The following VWF variants were observed in gnomAD, a reference collection of about 807,000 sequenced individuals.
VWF encodes Factor VIII related antigen.
Under a neutral mutation model 308.6 loss-of-function variants are expected in VWF, and 176 were observed. That is an observed-to-expected ratio of 0.57 (90% confidence interval 0.50 to 0.65). The LOEUF (loss-of-function observed/expected upper bound fraction) is 0.65. Among genes scored for constraint, VWF ranks in the 30% least tolerant of loss-of-function variants. The pLI is 0.00. For synonymous variants in VWF, 1,385 were observed against 1,443.4 expected, an observed-to-expected ratio of 0.96 and a Z score of 0.92; for missense variants, 3,146 against 3,648.2, an observed-to-expected ratio of 0.86 and a Z score of 3.55.
At chr12:6,073,249 T>C (rs1424956153) in intron 8 of VWF, among the ~76,000 whole-genome samples, 1 of 152,186 alleles carries the variant, frequency 6.6e-6, no homozygotes, top group African/African-American at 2.4e-5. Flanking sequence ...GAGCCCTTTT[T>C]CAGCTGAGCT....
At chr12:6,049,481 A>G (rs1187335886) in intron 16 of VWF, among the ~76,000 whole-genome samples, 2 of 152,070 alleles carry the variant, frequency 1.3e-5, no homozygotes, top group Admixed American at 6.5e-5. Context: ...CTGCCCTCCC[A>G]AGTCATACCA....
At chr12:6,104,540 A>G (rs1945219287) in intron 5 of VWF, among the ~76,000 whole-genome samples, 1 of 151,718 alleles carries the variant, frequency 6.6e-6, no homozygotes, top group Non-Finnish European at 1.5e-5. Context: ...ATACAAAAGA[A>G]AAAAAAATGA....
chr12:6,100,633 A>C (rs888786862), intron 5 of VWF, among the ~76,000 whole-genome samples: 19 of 152,184 alleles, frequency 1.2e-4, no homozygotes, highest in African/African-American at 4.6e-4. Context: ...TCAGTAAACT[A>C]TTGCAAGGAC....
rs750530966 is a variant in VWF at position 5,981,811 on chromosome 12, G to A, written c.7262C>T (p.Thr2421Ile). 6.2e-7 allele frequency: 1 copy of A among 1,614,134 alleles called. No individual in the cohort carries two copies. The highest frequency in any genetic ancestry group is 1.1e-5 in the South Asian group (1 of 91,072). ...CTTGTCGGGAAGGCAGGTGGTTGTG[G>A]TACAGCCACAGTCATTGGTGGCAGT... Reference protein sequence around the residue: ...ASTATNDCGCTTTTCLPDKVC... With the variant: ...ASTATNDCGCITTTCLPDKVC... Residue 2421 changes from threonine to isoleucine, a missense_variant, in exon 42 of 52, where the codon ACC (threonine) becomes ATC (isoleucine). Around this residue, in one of 3 missense-constraint regions of VWF, gnomAD observed 989 missense variants for 1,117.4 expected, o/e 0.89. Coordinates refer to ENST00000261405, the MANE Select transcript of VWF (RefSeq NM_000552.5).
At chr12:5,958,796 G>A (rs1424068987) in intron 47 of VWF, among the ~76,000 whole-genome samples, 1 of 152,214 alleles carries the variant, frequency 6.6e-6, no homozygotes, top group Non-Finnish European at 1.5e-5. Context: ...TTGGATAAAT[G>A]ATAGTAGATA....
At chr12:6,016,436 G>T in intron 30 of VWF, 80 bp downstream of exon 30, 2 of 1,501,786 alleles carry the variant, frequency 1.3e-6, no homozygotes, top group South Asian at 1.2e-5. Flanking sequence ...AAAGTGACTG[G>T]CCGAGGTCAC....
At chr12:6,106,712 T>C (rs1289585161) in intron 5 of VWF, among the ~76,000 whole-genome samples, 1 of 151,738 alleles carries the variant, frequency 6.6e-6, no homozygotes, top group Non-Finnish European at 1.5e-5. Flanking sequence ...CCGTCTCTAC[T>C]AAAAATACAA....
intron 49 of VWF, 199 bp downstream of exon 49, chr12:5,952,191 AT>A (rs1943199411): frequency 5.1e-6 from 4 of 791,718 alleles, no homozygotes; most frequent in South Asian, 3.4e-5. Flanking sequence ...TAAGGAAAAT[AT>A]TTTTTTAAAA....
In VWF at chr12:5,987,848, T is replaced by C. The variant is rs142520711; in HGVS notation, c.6799-2183A>G. Among the ~76,000 whole-genome samples, 304 of 152,342 alleles carry C rather than the reference T, an allele frequency of 2.0e-3. 2 individuals carry two copies. Among genetic ancestry groups the C allele is most frequent in the Non-Finnish European group, 3.4e-3 (231 of 68,028 alleles). On this transcript the variant is annotated intron_variant, in intron 38 of 51. Coordinates refer to ENST00000261405, the MANE Select transcript of VWF (RefSeq NM_000552.5). The stretch of plus-strand genomic sequence containing the variant: ...TAGTTGTCTAGGGTTGAGGGATATA[T>C]TTAAAAGGGCATAAGCTAACCTTTG...
chr12:6,088,494 C>T (rs1277330747), intron 6 of VWF, among the ~76,000 whole-genome samples: 7 of 137,330 alleles, frequency 5.1e-5, no homozygotes, highest in African/African-American at 1.4e-4. Context: ...AAAAAAAAAG[C>T]GAGAGAGAGA....
chr12:5,985,432 A>G, intron 39 of VWF, 131 bp downstream of exon 39: 1 of 1,042,930 alleles, frequency 9.6e-7, no homozygotes, highest in Non-Finnish European at 1.4e-6. Flanking sequence ...TGGGCAAGGA[A>G]GCCCACCCAC....
chr12:6,006,785 T>G (rs1321181778), intron 34 of VWF, among the ~76,000 whole-genome samples: 6 of 151,930 alleles, frequency 3.9e-5, no homozygotes, highest in Non-Finnish European at 7.4e-5. Context: ...TCTAAATAAA[T>G]TAAGTAAATA....
chr12:5,952,045 C>T (rs1390449980), intron 49 of VWF, among the ~76,000 whole-genome samples, 162 bp from the exon 50 acceptor site: 1 of 152,156 alleles, frequency 6.6e-6, no homozygotes, highest in Non-Finnish European at 1.5e-5. Flanking sequence ...CTTGACCACC[C>T]TACCTGACCA....
At chr12:6,086,327 C>T (rs1030687645) in intron 6 of VWF, among the ~76,000 whole-genome samples, 22 of 152,108 alleles carry the variant, frequency 1.4e-4, no homozygotes, top group African/African-American at 4.1e-4. Flanking sequence ...GGGAAAGACA[C>T]GTGTGTACTT....
chr12:6,031,358 G>A, intron 21 of VWF, 86 bp downstream of exon 21: 1 of 1,604,454 alleles, frequency 6.2e-7, no homozygotes, highest in Non-Finnish European at 8.5e-7. Context: ...ATTCACACGA[G>A]CTCTAAATGA....
At chr12:6,121,435 T>C in intron 2 of VWF, 97 bp from the exon 3 acceptor site, 1 of 1,453,824 alleles carries the variant, frequency 6.9e-7, no homozygotes, top group Non-Finnish European at 9.4e-7. Context: ...AGACTGCCTC[T>C]GATAGAAACT....
At position 5,991,962 on chromosome 12, in the gene VWF, G is replaced by A; in HGVS notation, c.6655C>T (p.His2219Tyr). ...CAGGAGCTCACGTTGCCATCACAGT[G>A]CCGGGGACAGCCATGCTCACAGTGG... ...YNHCEHGCPR[H>Y]CDGNVSSCGD... The change falls in exon 38 of 52, where the codon CAC becomes TAC. Residue 2219 changes from histidine to tyrosine, a missense_variant. His to Tyr is a moderately conservative substitution (Grantham distance 83, BLOSUM62 2). Transcript: ENST00000261405. 1.2e-6 allele frequency: 2 copies of A among 1,614,236 alleles called. No individual in the cohort carries two copies. The highest frequency in any genetic ancestry group is 1.7e-5 in the Admixed American group (1 of 60,028).
intron 18 of VWF, among the ~76,000 whole-genome samples, chr12:6,038,011 C>A (rs1944356925): frequency 6.6e-6 from 1 of 152,150 alleles, no homozygotes; most frequent in Non-Finnish European, 1.5e-5. Flanking sequence ...GCTGATGGGT[C>A]AGGATGACAG....
chr12:6,032,886 ACG>A (rs774452656), intron 20 of VWF, among the ~76,000 whole-genome samples: 5,980 of 143,438 alleles, frequency 0.042, 379 homozygotes, highest in African/African-American at 0.14. Context: ...ACACACACAC[ACG>A]CATACACATA....
Sources: allele counts gnomAD v4.1 joint callset (sites outside exome capture counted in the v4.1 genomes callset), GRCh38; gene constraint gnomAD v4.1.1; regional missense constraint gnomAD v4.1.1; transcripts MANE v1.5; gene names NCBI Gene and HGNC (gene_info 2026-07-23, HGNC 2026-07-21).